RASA3: variants seen among roughly 807,000 people sequenced by gnomAD.
RASA3 encodes the protein ras GTPase-activating protein 3.
In RASA3, 73 loss-of-function variants were observed where a neutral mutation model predicts 110.0. The observed-to-expected ratio is 0.66, with a 90% confidence interval of 0.55 to 0.81. RASA3 has a LOEUF of 0.81. Ranked by LOEUF, RASA3 falls within the 30% of genes least tolerant of loss-of-function variation. RASA3 has a pLI of 0.00. For missense variants in RASA3, 976 were observed against 1,113.2 expected (o/e 0.88, Z 1.75); for synonymous variants, 500 against 451.4 (o/e 1.11, Z -1.37).
chr13:114,121,230 C>T (rs1361887237), intron 1 of RASA3, among the ~76,000 whole-genome samples: 1 of 152,240 alleles, frequency 6.6e-6, no homozygotes, highest in Non-Finnish European at 1.5e-5. Context: ...ACCCGCGGGG[C>T]ATTCGGACCC....
intron 21 of RASA3, 29 bp from the exon 22 acceptor site, chr13:113,992,617 T>C (rs925764284): frequency 1.3e-6 from 2 of 1,492,408 alleles, no homozygotes; most frequent in Non-Finnish European, 1.9e-6. Context: ...AACAGAAAGA[T>C]AAAAACACTT....
At chr13:114,120,082 CT>C (rs2080353147) in intron 1 of RASA3, among the ~76,000 whole-genome samples, 1 of 123,362 alleles carries the variant, frequency 8.1e-6, no homozygotes, top group African/African-American at 3.7e-5. Flanking sequence ...GGGCCCCTCC[CT>C]CTCTCCAGCC....
chr13:114,026,710 C>G (rs2054031642), intron 7 of RASA3, among the ~76,000 whole-genome samples: 1 of 152,250 alleles, frequency 6.6e-6, no homozygotes, highest in South Asian at 2.1e-4. Context: ...CTCATCCATC[C>G]TCACATCTCC....
intron 1 of RASA3, among the ~76,000 whole-genome samples, chr13:114,100,968 C>T (rs1158052929): frequency 5.9e-5 from 9 of 152,202 alleles, no homozygotes; most frequent in African/African-American, 1.2e-4. Context: ...TTTTGGACCA[C>T]GGCTGACCAC....
At chr13:114,081,034 AG>A (rs1471070343) in intron 1 of RASA3, among the ~76,000 whole-genome samples, 1 of 151,520 alleles carries the variant, frequency 6.6e-6, no homozygotes, top group African/African-American at 2.4e-5. Flanking sequence ...CCCACGGCAG[AG>A]GGCCGTCCAC....
intron 1 of RASA3, among the ~76,000 whole-genome samples, chr13:114,121,506 C>T (rs1263733493): frequency 6.6e-6 from 1 of 152,220 alleles, no homozygotes; most frequent in African/African-American, 2.4e-5. Flanking sequence ...AGCCGTGCAA[C>T]CCTGCCCCAA....
chr13:114,131,702 A>G (rs2080522213), intron 1 of RASA3, among the ~76,000 whole-genome samples: 1 of 152,214 alleles, frequency 6.6e-6, no homozygotes, highest in African/African-American at 2.4e-5. Context: ...AGAACGCCCC[A>G]CCAGCACACA....
intron 1 of RASA3, among the ~76,000 whole-genome samples, chr13:114,097,159 C>A (rs2079957464): frequency 6.6e-6 from 1 of 152,232 alleles, no homozygotes; most frequent in Admixed American, 6.5e-5. Context: ...CAGATATGGG[C>A]TGACCAAATG....
intron 2 of RASA3, among the ~76,000 whole-genome samples, chr13:114,073,206 G>A (rs568123251): frequency 2.0e-5 from 3 of 150,486 alleles, no homozygotes; most frequent in South Asian, 2.1e-4. Flanking sequence ...GGACGGTGAC[G>A]TACACGCTCG....
intron 2 of RASA3, among the ~76,000 whole-genome samples, chr13:114,063,607 G>A (rs903018481): frequency 9.9e-5 from 15 of 152,216 alleles, no homozygotes; most frequent in Non-Finnish European, 1.5e-4. Context: ...GGGGTCAGAC[G>A]GCACGTGTGT....
chr13:114,029,818 C>T lies in RASA3; in HGVS notation c.442G>A (p.Ala148Thr), dbSNP rs750090044. ...AGTGAGGACGTGTCTTACCGTGTGG[C>T]GAGCTTGTGGCAGACGACCCCAGTG... ...TDTGVVCHKL[A>T]TRIVECQGLP... Residue 148 changes from alanine to threonine, a missense_variant, in exon 5 of 24, where the codon GCC becomes ACC. This residue lies in a region of RASA3 where 732 missense variants were observed against 779.7 expected (regional missense o/e 0.94). Coordinates refer to ENST00000334062, the MANE Select transcript of RASA3 (RefSeq NM_007368.4). The T allele has an allele frequency of 3.1e-6, 5 of 1,592,162 alleles. No homozygotes were observed. Among genetic ancestry groups the T allele is most frequent in the Non-Finnish European group, 4.3e-6 (5 of 1,169,772 alleles).
chr13:114,122,369 T>A (rs1174116751), intron 1 of RASA3, among the ~76,000 whole-genome samples: 2 of 152,188 alleles, frequency 1.3e-5, no homozygotes, highest in East Asian at 3.9e-4. Context: ...TCCCCTGGGC[T>A]CTGCATGCAG....
At chr13:114,015,180 A>C (rs761538271) in intron 14 of RASA3, 29 bp downstream of exon 14, 1 of 1,611,998 alleles carries the variant, frequency 6.2e-7, no homozygotes, top group South Asian at 1.1e-5. Flanking sequence ...GCAGTTTCTC[A>C]GCAACATGAG....
At position 114,014,047 on chromosome 13, in the gene RASA3, TCTCCGTCTGTCTCTGCCTCTC is replaced by T. The variant is rs2053733619; in HGVS notation, c.1406-820_1406-800del. On this transcript the variant is annotated intron_variant, in intron 14 of 23. Coordinates refer to ENST00000334062, the MANE Select transcript of RASA3 (RefSeq NM_007368.4). This position sits in a 1 kb window ranked among gnomAD's most constrained non-coding sequence, Gnocchi z 4.5. ...CTCTCTCTCTCCGTCTCTATCTCTC[TCTCCGTCTGTCTCTGCCTCTC>T]TCTCCGTCTGTCTCTGCCTCTCTCT... Among the ~76,000 whole-genome samples the T allele has an allele frequency of 8.1e-6, 1 of 123,810 alleles. No individual in the cohort carries two copies. The highest frequency in any genetic ancestry group is 1.9e-5 in the Non-Finnish European group (1 of 51,578). The allele number at this position is 123,810 out of a possible 152,430, so 81.2% of individuals were successfully genotyped here.
intron 2 of RASA3, among the ~76,000 whole-genome samples, chr13:114,066,480 C>A (rs1263322964): frequency 6.6e-6 from 1 of 152,158 alleles, no homozygotes; most frequent in Non-Finnish European, 1.5e-5. Context: ...ATGGGATCCT[C>A]GGTGCGGCCC....
rs1337537143 is a variant in RASA3 at position 114,048,232 on chromosome 13, G to A, written c.277+3820C>T. Among the ~76,000 whole-genome samples, 1 of 151,792 alleles carries A rather than the reference G, an allele frequency of 6.6e-6. No individual in the cohort carries two copies. The highest frequency in any genetic ancestry group is 1.5e-5 in the Non-Finnish European group (1 of 67,914). On this transcript the variant is annotated intron_variant, in intron 3 of 23. Transcript: ENST00000334062. The surrounding 1 kb of genome is among the most constrained non-coding windows in gnomAD (Gnocchi z 4.3). ...CGGGAAGCTGAGGCAGGAGAATGGC[G>A]TGAACCCGGGAGGTGGAGGTTGCAG...
chr13:114,064,824 C>G (rs918495175), intron 2 of RASA3, among the ~76,000 whole-genome samples: 8 of 152,232 alleles, frequency 5.3e-5, no homozygotes, highest in African/African-American at 1.9e-4. Flanking sequence ...CTGGCCCAGG[C>G]GGCCCCCACT....
intron 1 of RASA3, among the ~76,000 whole-genome samples, chr13:114,095,343 T>G (rs1212386656): frequency 1.3e-5 from 2 of 152,030 alleles, no homozygotes; most frequent in Non-Finnish European, 2.9e-5. Flanking sequence ...CACCACTAAC[T>G]CCAGAGAATT....
intron 4 of RASA3, among the ~76,000 whole-genome samples, chr13:114,031,558 C>T (rs893006135): frequency 6.6e-6 from 1 of 151,350 alleles, no homozygotes; most frequent in Admixed American, 6.6e-5. Context: ...GTTTGTCCGC[C>T]TGTCTGTACA....
Sources: allele counts gnomAD v4.1 joint callset (sites outside exome capture counted in the v4.1 genomes callset), GRCh38; gene constraint gnomAD v4.1.1; regional missense constraint gnomAD v4.1.1; non-coding constraint Gnocchi (gnomAD v3.1); transcripts MANE v1.5; gene names NCBI Gene and HGNC (gene_info 2026-07-23, HGNC 2026-07-21).